The following CSMD1 variants were observed in gnomAD, a reference collection of about 807,000 sequenced individuals.
The protein encoded by CSMD1 is CUB and sushi domain-containing protein 1.
Under a neutral mutation model 417.5 loss-of-function variants are expected in CSMD1, and 213 were observed. The ratio of observed to expected loss-of-function variants is 0.51; its 90% CI spans 0.46 to 0.57. The LOEUF (loss-of-function observed/expected upper bound fraction) is 0.57, where lower values mean the gene tolerates loss of function less well. Ranked by LOEUF, CSMD1 falls within the 20% of genes least tolerant of loss-of-function variation. The pLI is 0.00. For missense variants in CSMD1, 6,923 were observed against 4,529.7 expected (o/e 1.53, Z -15.17); for synonymous variants, 2,862 against 1,736.8 (o/e 1.65, Z -16.11).
chr8:4,256,787 G>A (rs1423553996), intron 3 of CSMD1, among the ~76,000 whole-genome samples: 1 of 152,180 alleles, frequency 6.6e-6, no homozygotes, highest in East Asian at 1.9e-4. Flanking sequence ...TTGCAACAGG[G>A]CCAAGCAGTC....
At chr8:4,158,840 G>T (rs1230919520) in intron 3 of CSMD1, among the ~76,000 whole-genome samples, 4 of 152,170 alleles carry the variant, frequency 2.6e-5, no homozygotes, top group Non-Finnish European at 4.4e-5. Context: ...ATAATAGGAA[G>T]TCAGTTTTCA....
At chr8:4,297,117 C>T (rs114532188) in intron 3 of CSMD1, among the ~76,000 whole-genome samples, 21 of 152,056 alleles carry the variant, frequency 1.4e-4, no homozygotes, top group Middle Eastern at 3.4e-3. Flanking sequence ...AGGTGTAATA[C>T]GTTTTAATCT....
chr8:4,064,537 A>AG (rs1412714725), intron 3 of CSMD1, among the ~76,000 whole-genome samples: 1 of 152,236 alleles, frequency 6.6e-6, no homozygotes, highest in Non-Finnish European at 1.5e-5. Flanking sequence ...GCCACCCATG[A>AG]GGGGTGCATC....
chr8:4,035,948 C>T (rs561684085), intron 3 of CSMD1, among the ~76,000 whole-genome samples: 4 of 152,198 alleles, frequency 2.6e-5, no homozygotes, highest in African/African-American at 9.7e-5. Flanking sequence ...AAACTCTATT[C>T]ACGGTAAGTG....
At chr8:3,317,918 C>T (rs117740219) in intron 23 of CSMD1, among the ~76,000 whole-genome samples, 3,047 of 152,296 alleles carry the variant, frequency 0.02, 42 homozygotes, top group East Asian at 0.036. Flanking sequence ...TCAAGCGATC[C>T]TCCCACCTTA....
intron 3 of CSMD1, among the ~76,000 whole-genome samples, chr8:4,285,161 T>A (rs550471594): frequency 6.6e-6 from 1 of 152,362 alleles, no homozygotes; most frequent in Non-Finnish European, 1.5e-5. Flanking sequence ...CCACAAGTTT[T>A]ACTCCATGAA....
intron 5 of CSMD1, among the ~76,000 whole-genome samples, chr8:3,970,596 T>C (rs911404821): frequency 5.3e-5 from 8 of 152,240 alleles, no homozygotes; most frequent in African/African-American, 1.9e-4. Context: ...ACAGAATGAA[T>C]AGCAAAGGAT....
chr8:3,968,248 T>A (rs1362405836), intron 5 of CSMD1, among the ~76,000 whole-genome samples: 1 of 151,994 alleles, frequency 6.6e-6, no homozygotes, highest in African/African-American at 2.4e-5. Flanking sequence ...TATTTCTCAA[T>A]GTACTTTGTT....
chr8:4,461,032 G>C (rs1239020919), intron 2 of CSMD1, among the ~76,000 whole-genome samples: 2 of 152,066 alleles, frequency 1.3e-5, no homozygotes, highest in African/African-American at 4.8e-5. Flanking sequence ...AAGAAATTCA[G>C]ATCCAACAAC....
At chr8:4,461,255 G>A (rs117230955) in intron 2 of CSMD1, among the ~76,000 whole-genome samples, 2,003 of 152,062 alleles carry the variant, frequency 0.013, 22 homozygotes, top group Non-Finnish European at 0.02. Flanking sequence ...AGTCACCTGC[G>A]AAAAGCCTAC....
chr8:3,218,691 A>T (rs1163523740), intron 29 of CSMD1, among the ~76,000 whole-genome samples: 1 of 151,998 alleles, frequency 6.6e-6, no homozygotes, highest in East Asian at 1.9e-4. Flanking sequence ...GACCAATATG[A>T]TGAAACCCAG....
intron 23 of CSMD1, among the ~76,000 whole-genome samples, chr8:3,332,166 T>C (rs1401057542): frequency 6.6e-6 from 1 of 152,228 alleles, no homozygotes; most frequent in East Asian, 1.9e-4. Context: ...GAGATATCTA[T>C]TAGATGCACG....
chr8:4,283,271 C>G (rs1441203995), intron 3 of CSMD1, among the ~76,000 whole-genome samples: 1 of 152,150 alleles, frequency 6.6e-6, no homozygotes, highest in Non-Finnish European at 1.5e-5. Flanking sequence ...ACTTTTAATG[C>G]ACATTTTCCA....
chr8:4,014,357 T>C (rs1302279607), intron 4 of CSMD1, among the ~76,000 whole-genome samples: 3 of 152,146 alleles, frequency 2.0e-5, no homozygotes, highest in African/African-American at 7.2e-5. Context: ...ATCTGTAAAA[T>C]ATTGAGAATC....
chr8:4,272,419 T>C (rs1243090273), intron 3 of CSMD1, among the ~76,000 whole-genome samples: 2 of 152,202 alleles, frequency 1.3e-5, no homozygotes, highest in Non-Finnish European at 2.9e-5. Context: ...GGATTACATA[T>C]ATCATACTAC....
intron 3 of CSMD1, among the ~76,000 whole-genome samples, chr8:4,142,666 C>T (rs995929119): frequency 7.3e-5 from 11 of 151,020 alleles, no homozygotes; most frequent in Admixed American, 3.3e-4. Flanking sequence ...TGATTCTGGC[C>T]GTGGCTTCTT....
intron 3 of CSMD1, among the ~76,000 whole-genome samples, chr8:4,091,449 C>T (rs574124602): frequency 7.2e-5 from 11 of 152,206 alleles, no homozygotes; most frequent in East Asian, 5.8e-4. Flanking sequence ...TTTTGCTCCA[C>T]GTCAGAAAAA....
chr8:4,034,428 A>G (rs936908095), intron 3 of CSMD1, among the ~76,000 whole-genome samples: 10 of 152,234 alleles, frequency 6.6e-5, no homozygotes, highest in Admixed American at 3.3e-4. Context: ...ATTGTCTGCA[A>G]TCATTTTTGT....
rs1400088148 is a variant in CSMD1 at position 3,753,936 on chromosome 8, A to C, written c.925T>G (p.Phe309Val). 1 of 1,608,490 alleles carries C rather than the reference A, an allele frequency of 6.2e-7. No homozygotes were observed. Among genetic ancestry groups the C allele is most frequent in the African/African-American group, 1.3e-5 (1 of 74,782 alleles). ...TAAGATGGAGCATCCTTACCTTGGA[A>C]CTGAGCGTTAAATCCTTTGCGTCGG... is the stretch of plus-strand genomic sequence containing the variant. The part of the protein sequence containing the change: ...NHRRKGFNAQ[F>V]QVKKAIELKS... Residue 309 changes from phenylalanine (F) to valine (V), a missense_variant, in exon 6 of 70, where the codon TTC (phenylalanine) becomes GTC (valine). By Grantham distance (50) the Phe-to-Val change is conservative. Coordinates refer to ENST00000635120, the MANE Select transcript of CSMD1 (RefSeq NM_033225.6).
Sources: gnomAD v4.1 joint callset for allele counts (sites outside exome capture counted in the v4.1 genomes callset) on GRCh38, gnomAD v4.1.1 for gene constraint, MANE v1.5 for transcripts, NCBI Gene and HGNC (gene_info 2026-07-23, HGNC 2026-07-21) for gene names.